FBXL7: variants seen among roughly 807,000 people sequenced by gnomAD.
The protein encoded by FBXL7 is F-box/LRR-repeat protein 7.
A neutral mutation model predicts 38.3 loss-of-function variants in FBXL7; 12 were observed. The ratio of observed to expected loss-of-function variants is 0.31; its 90% CI spans 0.20 to 0.51. The LOEUF (loss-of-function observed/expected upper bound fraction) is 0.51, where lower values mean the gene tolerates loss of function less well. Among genes scored for constraint, FBXL7 ranks in the 20% least tolerant of loss-of-function variants. The pLI is 0.98. For synonymous variants in FBXL7, 297 were observed against 300.9 expected, an observed-to-expected ratio of 0.99 and a Z score of 0.13; for missense variants, 567 against 676.4, an observed-to-expected ratio of 0.84 and a Z score of 1.79.
intron 1 of FBXL7, among the ~76,000 whole-genome samples, chr5:15,558,396 A>C (rs1047700343): frequency 2.6e-5 from 4 of 152,216 alleles, no homozygotes; most frequent in Non-Finnish European, 4.4e-5. Flanking sequence ...TTTCTCTTTC[A>C]AACCTTAGAG....
chr5:15,641,443 C>T (rs1432127662), intron 2 of FBXL7, among the ~76,000 whole-genome samples: 1 of 151,748 alleles, frequency 6.6e-6, no homozygotes, highest in Non-Finnish European at 1.5e-5. Context: ...AATTCCTCCA[C>T]AGGGAAACCA....
At chr5:15,560,485 C>T (rs1447534295) in intron 1 of FBXL7, among the ~76,000 whole-genome samples, 2 of 152,182 alleles carry the variant, frequency 1.3e-5, no homozygotes, top group Non-Finnish European at 2.9e-5. Context: ...CTCCCAACAG[C>T]TCATGCATGT....
In FBXL7 at chr5:15,694,037, C is replaced by T. The variant is rs895776234; in HGVS notation, c.127+77965C>T. 1.4e-4 allele frequency among the ~76,000 whole-genome samples: 10 copies of T among 71,298 alleles called. No individual in the cohort carries two copies. The East Asian group carries it at 1.9e-3, about 14-fold the overall frequency. The allele number at this position is 71,298 out of a possible 152,430, so 46.8% of individuals were successfully genotyped here. On this transcript the variant is annotated intron_variant, in intron 2 of 3. Transcript: ENST00000504595. ...CTGATTAACACAAGCTGCCTGGGGA[C>T]GGTAAGCTGAAAGAACACACTGTAA... is the stretch of plus-strand genomic sequence containing the variant.
At chr5:15,861,611 C>G (rs941201715) in intron 2 of FBXL7, among the ~76,000 whole-genome samples, 1 of 152,124 alleles carries the variant, frequency 6.6e-6, no homozygotes, top group African/African-American at 2.4e-5. Context: ...GGTTTTAAGG[C>G]CAAGCAAAGA....
chr5:15,914,243 G>A (rs904507755), intron 2 of FBXL7, among the ~76,000 whole-genome samples: 34 of 152,010 alleles, frequency 2.2e-4, no homozygotes, highest in African/African-American at 7.7e-4. Context: ...AAAATTAGTC[G>A]GGCGTGGTGG....
chr5:15,602,645 G>A (rs1739836871), intron 1 of FBXL7, among the ~76,000 whole-genome samples: 2 of 151,938 alleles, frequency 1.3e-5, no homozygotes, highest in African/African-American at 2.4e-5. Context: ...CAATAATGAA[G>A]TTTTGTTAAG....
intron 1 of FBXL7, among the ~76,000 whole-genome samples, chr5:15,591,232 A>T (rs1170213921): frequency 6.6e-6 from 1 of 152,070 alleles, no homozygotes; most frequent in African/African-American, 2.4e-5. Context: ...GATGGAGACC[A>T]TCCTGGCTAA....
chr5:15,651,344 C>T (rs1244993958), intron 2 of FBXL7, among the ~76,000 whole-genome samples: 1 of 152,094 alleles, frequency 6.6e-6, no homozygotes, highest in Non-Finnish European at 1.5e-5. Context: ...GATCTGCCCA[C>T]CTCGGCCTCC....
chr5:15,923,656 G>A (rs1741803676), intron 2 of FBXL7, among the ~76,000 whole-genome samples: 2 of 151,964 alleles, frequency 1.3e-5, no homozygotes, highest in Admixed American at 1.3e-4. Context: ...TTAATTATCA[G>A]GTACTATTTA....
chr5:15,776,294 C>A (rs1454472199), intron 2 of FBXL7, among the ~76,000 whole-genome samples: 1 of 152,006 alleles, frequency 6.6e-6, no homozygotes, highest in African/African-American at 2.4e-5. Context: ...TTTGCTGTTA[C>A]CCTCCCAAAT....
At chr5:15,745,910 A>G (rs1460752426) in intron 2 of FBXL7, among the ~76,000 whole-genome samples, 3 of 152,210 alleles carry the variant, frequency 2.0e-5, no homozygotes, top group Admixed American at 6.5e-5. Context: ...CTGCTGTGGA[A>G]GAGAGACTCT....
intron 2 of FBXL7, among the ~76,000 whole-genome samples, chr5:15,820,973 A>G (rs1275315138): frequency 6.6e-6 from 1 of 152,118 alleles, no homozygotes; most frequent in Non-Finnish European, 1.5e-5. Context: ...TCCCAGTGTC[A>G]TGGTCTGCGG....
chr5:15,539,090 T>C (rs975236617), intron 1 of FBXL7, among the ~76,000 whole-genome samples: 14 of 152,222 alleles, frequency 9.2e-5, no homozygotes, highest in Non-Finnish European at 1.3e-4. Flanking sequence ...CATACTTATA[T>C]ACCTGAGCTT....
intron 1 of FBXL7, among the ~76,000 whole-genome samples, chr5:15,505,541 T>C (rs965312940): frequency 5.3e-5 from 8 of 152,118 alleles, no homozygotes; most frequent in South Asian, 2.1e-4. Flanking sequence ...AGCTTATGTG[T>C]TGGGAGGAAG....
chr5:15,670,837 A>G (rs1359223683), intron 2 of FBXL7, among the ~76,000 whole-genome samples: 1 of 151,882 alleles, frequency 6.6e-6, no homozygotes, highest in African/African-American at 2.4e-5. Flanking sequence ...AAAAATAAAT[A>G]AAAAGTTAGT....
At chr5:15,735,649 A>G (rs1380447739) in intron 2 of FBXL7, among the ~76,000 whole-genome samples, 1 of 152,232 alleles carries the variant, frequency 6.6e-6, no homozygotes, top group Non-Finnish European at 1.5e-5. Context: ...ACTTCCAGGG[A>G]TTTTAGAATA....
intron 2 of FBXL7, among the ~76,000 whole-genome samples, chr5:15,678,535 T>C (rs1028248186): frequency 3.3e-5 from 5 of 152,202 alleles, no homozygotes; most frequent in Non-Finnish European, 5.9e-5. Flanking sequence ...TCAAACTCTT[T>C]CTTTGATCGC....
chr5:15,818,732 G>A (rs1244990435), intron 2 of FBXL7, among the ~76,000 whole-genome samples: 2 of 89,554 alleles, frequency 2.2e-5, no homozygotes, highest in South Asian at 3.6e-4. Flanking sequence ...GTGTGTGTGT[G>A]TGTGTGTGTG....
At chr5:15,912,841 G>A (rs1466751725) in intron 2 of FBXL7, among the ~76,000 whole-genome samples, 29 of 152,016 alleles carry the variant, frequency 1.9e-4, no homozygotes, top group Admixed American at 1.9e-3. Flanking sequence ...AAGGGGCTCT[G>A]GGGTCTTTAA....
Sources: gnomAD v4.1 joint callset for allele counts (sites outside exome capture counted in the v4.1 genomes callset) on GRCh38, gnomAD v4.1.1 for gene constraint, MANE v1.5 for transcripts, NCBI Gene and HGNC (gene_info 2026-07-23, HGNC 2026-07-21) for gene names.